Variants in HAO2 observed in about 807,000 individuals in gnomAD.
HAO2 encodes hydroxyacid oxidase 2.
Under a neutral mutation model 37.4 loss-of-function variants are expected in HAO2, and 42 were observed. That is an observed-to-expected ratio of 1.12 (90% CI 0.88 to 1.45). HAO2 has a LOEUF of 1.45. Among genes scored for constraint, HAO2 ranks in the 40% most tolerant of loss-of-function variants. HAO2 has a pLI of 0.00. For synonymous variants in HAO2, 180 were observed against 162.8 expected, an observed-to-expected ratio of 1.11 and a Z score of -0.81; for missense variants, 476 against 430.2, an observed-to-expected ratio of 1.11 and a Z score of -0.94.
intron 1 of HAO2, among the ~76,000 whole-genome samples, chr1:119,380,303 C>T (rs927750656): frequency 6.6e-6 from 1 of 152,104 alleles, no homozygotes; most frequent in Non-Finnish European, 1.5e-5. Flanking sequence ...CCAAGCTCTG[C>T]GTTTATAGGG....
chr1:119,374,521 TG>T (rs1191671306), intron 1 of HAO2, among the ~76,000 whole-genome samples: 1 of 152,212 alleles, frequency 6.6e-6, no homozygotes, highest in African/African-American at 2.4e-5. Context: ...TTGGGAAACT[TG>T]GCATAAGTTC....
chr1:119,392,881 T>C (rs1255728263), intron 7 of HAO2, among the ~76,000 whole-genome samples, 194 bp downstream of exon 7: 1 of 152,120 alleles, frequency 6.6e-6, no homozygotes, highest in Non-Finnish European at 1.5e-5. Flanking sequence ...CTCAAGATCA[T>C]TGACAGCTCT....
At chr1:119,391,737 A>G (rs900893427) in intron 5 of HAO2, among the ~76,000 whole-genome samples, 8 of 152,164 alleles carry the variant, frequency 5.3e-5, no homozygotes, top group Non-Finnish European at 8.8e-5. Context: ...TAGTTGTGCC[A>G]CCCTAGAAAC....
At chr1:119,391,233 T>C (rs985261470) in intron 5 of HAO2, among the ~76,000 whole-genome samples, 5 of 152,180 alleles carry the variant, frequency 3.3e-5, no homozygotes, top group African/African-American at 1.2e-4. Context: ...CAGTTTTGAC[T>C]CTTCTTCTCA....
rs1489279854 is a variant in HAO2, at chr1:119,376,778, GA to G, written c.-8-4298del. Among the ~76,000 whole-genome samples the G allele has an allele frequency of 2.0e-5, 3 of 152,230 alleles. No homozygotes were observed. In the East Asian group the frequency reaches 5.8e-4, roughly 29 times the overall value. On this transcript the variant is annotated intron_variant, in intron 1 of 7. Transcript: ENST00000325945. ...CCAAGCTTTGAGGCTTGCACCCTCTGAAGCTACAATCTGAGCTGTACTTTGG... is the reference window on the plus strand; with the variant it reads ...CCAAGCTTTGAGGCTTGCACCCTCTGAGCTACAATCTGAGCTGTACTTTGG...
chr1:119,390,617 C>A (rs587696012), intron 5 of HAO2, among the ~76,000 whole-genome samples: 7 of 152,296 alleles, frequency 4.6e-5, no homozygotes, highest in Admixed American at 3.9e-4. Flanking sequence ...CCATACTATG[C>A]AGTGGAGTTG....
intron 1 of HAO2, among the ~76,000 whole-genome samples, chr1:119,377,170 G>A (rs587757307): frequency 9.5e-4 from 145 of 152,244 alleles, no homozygotes; most frequent in African/African-American, 3.4e-3. Flanking sequence ...GCTGTTAACA[G>A]CCCCCAAGTC....
intron 1 of HAO2, among the ~76,000 whole-genome samples, chr1:119,372,069 A>G (rs1649078297): frequency 6.6e-6 from 1 of 152,206 alleles, no homozygotes; most frequent in African/African-American, 2.4e-5. Flanking sequence ...CCACAAAAGA[A>G]TGCTATTAAA....
At chr1:119,383,420 CT>C (rs1250307748) in intron 3 of HAO2, among the ~76,000 whole-genome samples, 6 of 152,130 alleles carry the variant, frequency 3.9e-5, no homozygotes, top group African/African-American at 1.4e-4. Context: ...TCTTTGGCCC[CT>C]GATGGGCCAG....
Position 119,392,746 on chromosome 1 carries a change from GCAGCAGTCCTT to G in HAO2, c.1000+61_1000+71del, listed in dbSNP as rs1325600152. ...AAAGCAGGATGGCTAAAGAATAGGA[GCAGCAGTCCTT>G]CCCTCTAGCAGACCCTTTCCTGATG... On this transcript the variant is annotated intron_variant, in intron 7 of 7. Coordinates refer to ENST00000325945, the MANE Select transcript of HAO2 (RefSeq NM_016527.4). 3 of 1,013,114 alleles carry G rather than the reference GCAGCAGTCCTT, an allele frequency of 3.0e-6. No individual in the cohort carries two copies. The African/African-American group carries it at 4.7e-5, about 16-fold the overall frequency. The allele number at this position is 1,013,114 out of a possible 1,614,324, so 62.8% of individuals were successfully genotyped here.
chr1:119,393,321 TATTA>T (rs1369903761), intron 7 of HAO2, among the ~76,000 whole-genome samples: 1 of 152,148 alleles, frequency 6.6e-6, no homozygotes, highest in Non-Finnish European at 1.5e-5. Flanking sequence ...TAATTTTACA[TATTA>T]ATTAATATCT....
chr1:119,390,652 GA>G (rs1457009649), intron 5 of HAO2, among the ~76,000 whole-genome samples: 45 of 152,320 alleles, frequency 3.0e-4, no homozygotes, highest in African/African-American at 1.1e-3. Context: ...ATAAAATAGG[GA>G]GTGAATTTTA....
intron 2 of HAO2, among the ~76,000 whole-genome samples, chr1:119,381,932 C>A (rs1455549683): frequency 1.3e-5 from 2 of 152,146 alleles, no homozygotes; most frequent in Non-Finnish European, 1.5e-5. Flanking sequence ...GCTGCTTTTG[C>A]ACTTCAAGAG....
At chr1:119,382,345 G>T (rs1256582183) in intron 2 of HAO2, among the ~76,000 whole-genome samples, 1 of 152,170 alleles carries the variant, frequency 6.6e-6, no homozygotes, top group African/African-American at 2.4e-5. Context: ...TAAAAAGTGT[G>T]TTTTGCATAT....
intron 1 of HAO2, among the ~76,000 whole-genome samples, chr1:119,374,076 T>C (rs890112552): frequency 2.0e-5 from 3 of 152,168 alleles, no homozygotes; most frequent in African/African-American, 7.2e-5. Flanking sequence ...CTCAGATCAC[T>C]GCAATGTTAG....
At chr1:119,373,302 T>TGAGAAGCTAATTCTCATGTAAG (rs1163944867) in intron 1 of HAO2, among the ~76,000 whole-genome samples, 1 of 152,196 alleles carries the variant, frequency 6.6e-6, no homozygotes, top group Non-Finnish European at 1.5e-5. Context: ...GGGTCTGTGC[T>TGAGAAGCTAATTCTCATGTAAG]GAGAAGCTAA....
intron 1 of HAO2, among the ~76,000 whole-genome samples, chr1:119,372,874 T>C (rs1649148890): frequency 1.3e-5 from 2 of 152,324 alleles, no homozygotes; most frequent in South Asian, 4.1e-4. Context: ...TGAACTAGAA[T>C]GTTCATATGA....
intron 5 of HAO2, among the ~76,000 whole-genome samples, chr1:119,391,054 A>G (rs1650848255): frequency 6.6e-6 from 1 of 152,198 alleles, no homozygotes; most frequent in Non-Finnish European, 1.5e-5. Context: ...AATTCTCTCT[A>G]GTTATTACAT....
intron 1 of HAO2, among the ~76,000 whole-genome samples, chr1:119,378,289 C>G (rs1570761574): frequency 6.6e-6 from 1 of 152,108 alleles, no homozygotes; most frequent in South Asian, 2.1e-4. Context: ...GACTCATTCA[C>G]TCTCACAAGA....
Sources: gnomAD v4.1 joint callset for allele counts (sites outside exome capture counted in the v4.1 genomes callset) on GRCh38, gnomAD v4.1.1 for gene constraint, MANE v1.5 for transcripts, NCBI Gene and HGNC (gene_info 2026-07-23, HGNC 2026-07-21) for gene names.